The following RFC5 variants were observed in gnomAD, a reference collection of about 807,000 sequenced individuals.
RFC5 encodes the protein replication factor C subunit 5, also known as A1 36 kDa subunit.
Under a neutral mutation model 44.3 loss-of-function variants are expected in RFC5, and 26 were observed. The ratio of observed to expected loss-of-function variants is 0.59; its 90% CI spans 0.43 to 0.81. The LOEUF (loss-of-function observed/expected upper bound fraction) is 0.81, where lower values mean the gene tolerates loss of function less well. RFC5 is among the 40% of genes least tolerant of loss of function. The pLI is 0.00. For synonymous variants in RFC5, 155 were observed against 155.2 expected, an observed-to-expected ratio of 1.00 and a Z score of 0.01; for missense variants, 328 against 418.6, an observed-to-expected ratio of 0.78 and a Z score of 1.89.
intron 6 of RFC5, 63 bp downstream of exon 6, chr12:118,025,073 C>T: frequency 6.6e-7 from 1 of 1,521,152 alleles, no homozygotes; most frequent in Non-Finnish European, 9.0e-7. Context: ...GGATCACTGG[C>T]TGGTTCGTAT....
At chr12:118,037,983 G>A, downstream of RFC5, 1 of 246,028 alleles carries the variant, frequency 4.1e-6, no homozygotes, top group South Asian at 1.1e-4. Context: ...TTCACATGTG[G>A]GCTGCAACTT....
intron 10 of RFC5, among the ~76,000 whole-genome samples, chr12:118,030,270 A>G (rs1020425073): frequency 2.0e-5 from 3 of 152,220 alleles, no homozygotes; most frequent in Non-Finnish European, 4.4e-5. Flanking sequence ...GCTATCATTT[A>G]AGTAGACAGA....
At chr12:118,035,425 G>T, downstream of RFC5, 2 of 997,176 alleles carry the variant, frequency 2.0e-6, no homozygotes, top group Non-Finnish European at 1.5e-6. Flanking sequence ...GGCTACAAAA[G>T]GGCTCAAGAT....
downstream of RFC5, chr12:118,035,857 C>G (rs1345068097): frequency 6.1e-6 from 1 of 163,790 alleles, no homozygotes; most frequent in Non-Finnish European, 1.3e-5. Flanking sequence ...AATCAGGAGA[C>G]TGGAAGACAC....
At chr12:118,028,079 C>A in intron 9 of RFC5, 49 bp downstream of exon 9, 2 of 1,207,194 alleles carry the variant, frequency 1.7e-6, no homozygotes, top group Non-Finnish European at 1.2e-6. Context: ...AGGTAGCCTG[C>A]TTTGGGGTTA....
At chr12:118,035,577 C>A, downstream of RFC5, 3 of 446,100 alleles carry the variant, frequency 6.7e-6, no homozygotes, top group South Asian at 5.6e-5. Context: ...TAGGTCAGCC[C>A]TCACTTTAAT....
the RFC5 span, chr12:118,038,441 CTG>C: frequency 4.5e-6 from 7 of 1,567,688 alleles, no homozygotes; most frequent in African/African-American, 8.1e-5. Context: ...AGCAGGAAGA[CTG>C]GAGAACGGGA....
At chr12:118,033,160 A>G (rs988744309), downstream of RFC5, 4 of 152,224 alleles carry the variant, frequency 2.6e-5, no homozygotes, top group Non-Finnish European at 5.9e-5. Flanking sequence ...TCTTGATTAG[A>G]TAACTACATG....
At chr12:118,018,052 A>G (rs1054220131) in intron 1 of RFC5, 1 of 701,454 alleles carries the variant, frequency 1.4e-6, no homozygotes, top group Non-Finnish European at 2.6e-6. Flanking sequence ...TGGACATTTC[A>G]TGTAAGTGGA....
intron 5 of RFC5, 109 bp from the exon 6 acceptor site, chr12:118,024,742 T>C (rs901339004): frequency 6.1e-5 from 55 of 897,724 alleles, no homozygotes; most frequent in Non-Finnish European, 9.5e-5. Context: ...GTTTGCAGTA[T>C]TGAATCTTTT....
downstream of RFC5, chr12:118,035,419 A>G: frequency 9.4e-7 from 1 of 1,061,022 alleles, no homozygotes; most frequent in Non-Finnish European, 1.4e-6. Context: ...TGCCCTGGCT[A>G]CAAAAGGGCT....
At position 118,031,383 on chromosome 12, in the gene RFC5, C is replaced by T. The variant is rs1371526928; in HGVS notation, c.*105C>T. On this transcript the variant is annotated 3_prime_UTR_variant, in exon 11 of 11. Coordinates refer to ENST00000454402, the MANE Select transcript of RFC5 (RefSeq NM_007370.7). ...CTGGGGCTGTGGGATGAATCAGTCA[C>T]CCCGAATCTTGGAAAAACCCCCTTC... 10 of 696,792 alleles carry T rather than the reference C, an allele frequency of 1.4e-5. No homozygotes were observed. Among genetic ancestry groups the T allele is most frequent in the Non-Finnish European group, 2.4e-5 (10 of 418,080 alleles). The allele number at this position is 696,792 out of a possible 1,614,324, so 43.2% of individuals were successfully genotyped here.
chr12:118,037,609 A>C (rs1436072630), downstream of RFC5, among the ~76,000 whole-genome samples: 1 of 151,732 alleles, frequency 6.6e-6, no homozygotes, highest in East Asian at 1.9e-4. Flanking sequence ...CGGAGGTTGC[A>C]GTAAGCCGAG....
In RFC5 at chr12:118,019,158, G is replaced by A; in HGVS notation, c.130+22G>A. On this transcript the variant is annotated intron_variant, in intron 2 of 10. Transcript: ENST00000454402. The surrounding 1 kb of genome is among the most constrained non-coding windows in gnomAD (Gnocchi z 4.2). ...ACCAGTAAGTATTCATGTGTCAGTTGCTCTTGTCCTGCTTGAGCGACTTGT... is the reference window on the plus strand; with the variant it reads ...ACCAGTAAGTATTCATGTGTCAGTTACTCTTGTCCTGCTTGAGCGACTTGT... 6.4e-7 allele frequency: 1 copy of A among 1,572,368 alleles called. No individual in the cohort carries two copies. The highest frequency in any genetic ancestry group is 8.8e-7 in the Non-Finnish European group (1 of 1,142,496).
chr12:118,036,352 C>G (rs372181768), downstream of RFC5: 81 of 1,613,894 alleles, frequency 5.0e-5, no homozygotes, highest in Non-Finnish European at 6.6e-5. Context: ...GTGACCTCAG[C>G]CTTTCGCCGG....
intron 9 of RFC5, among the ~76,000 whole-genome samples, chr12:118,028,994 A>G (rs556597324): frequency 1.1e-4 from 17 of 152,376 alleles, no homozygotes; most frequent in Admixed American, 4.6e-4. Flanking sequence ...AGGCCTTCAC[A>G]GGCCTCTTCC....
At chr12:118,029,639 G>T in intron 9 of RFC5, 132 bp from the exon 10 acceptor site, 1 of 761,364 alleles carries the variant, frequency 1.3e-6, no homozygotes, top group Non-Finnish European at 2.4e-6. Flanking sequence ...TAGAGGTCTG[G>T]TATCTAGTGA....
intron 3 of RFC5, among the ~76,000 whole-genome samples, 199 bp from the exon 4 acceptor site, chr12:118,020,707 G>C (rs890941132): frequency 1.3e-5 from 2 of 152,090 alleles, no homozygotes; most frequent in African/African-American, 2.4e-5. Context: ...TCAAAGGGTG[G>C]GGGTAATATA....
At chr12:118,020,881 T>C in intron 3 of RFC5, 25 bp from the exon 4 acceptor site, 1 of 1,546,914 alleles carries the variant, frequency 6.5e-7, no homozygotes, top group Non-Finnish European at 8.9e-7. Flanking sequence ...TGGTTTTTGT[T>C]TTGTCTTCTG....
Sources: gnomAD v4.1 joint callset for allele counts (sites outside exome capture counted in the v4.1 genomes callset) on GRCh38, gnomAD v4.1.1 for gene constraint, Gnocchi (gnomAD v3.1) non-coding constraint, MANE v1.5 for transcripts, NCBI Gene and HGNC (gene_info 2026-07-23, HGNC 2026-07-21) for gene names.